The following MSI2 variants were observed in gnomAD, a reference collection of about 807,000 sequenced individuals.
MSI2 encodes RNA-binding protein Musashi homolog 2.
In MSI2, 17 loss-of-function variants were observed where a neutral mutation model predicts 45.6. The ratio of observed to expected loss-of-function variants is 0.37; its 90% CI spans 0.26 to 0.56. The LOEUF is 0.56. Ranked by LOEUF, MSI2 falls within the 20% of genes least tolerant of loss-of-function variation. The pLI is 0.77. For missense variants in MSI2, 293 were observed against 444.2 expected (o/e 0.66, Z 3.06); for synonymous variants, 156 against 158.2 (o/e 0.99, Z 0.11).
intron 6 of MSI2, among the ~76,000 whole-genome samples, chr17:57,439,138 C>G (rs1370540221): frequency 6.6e-6 from 1 of 152,172 alleles, no homozygotes; most frequent in South Asian, 2.1e-4. Context: ...GGGACACTTT[C>G]ATTAGGTTTC....
chr17:57,594,378 C>A (rs903416526), intron 7 of MSI2, among the ~76,000 whole-genome samples: 1 of 152,160 alleles, frequency 6.6e-6, no homozygotes. Flanking sequence ...CTCCAGGGGT[C>A]CTTGACTGGG....
intron 7 of MSI2, among the ~76,000 whole-genome samples, chr17:57,543,969 T>C (rs1198803935): frequency 6.6e-6 from 1 of 152,188 alleles, no homozygotes; most frequent in Non-Finnish European, 1.5e-5. Context: ...CCCAGAGAGA[T>C]TGGTGAGCAT....
chr17:57,326,807 T>C (rs1170490052), intron 5 of MSI2, among the ~76,000 whole-genome samples: 1 of 152,078 alleles, frequency 6.6e-6, no homozygotes, highest in African/African-American at 2.4e-5. Context: ...GGCTTGGAAG[T>C]GGAGAGGGAG....
At chr17:57,549,094 T>G (rs1335206922) in intron 7 of MSI2, among the ~76,000 whole-genome samples, 1 of 152,200 alleles carries the variant, frequency 6.6e-6, no homozygotes, top group Admixed American at 6.5e-5. Flanking sequence ...AGGCTGGTCT[T>G]GAACACCTGG....
chr17:57,468,534 A>C (rs999151155), intron 6 of MSI2, among the ~76,000 whole-genome samples: 1 of 151,570 alleles, frequency 6.6e-6, no homozygotes, highest in African/African-American at 2.4e-5. Context: ...AAAAAAAAAA[A>C]AAAACAAGCA....
chr17:57,402,118 C>T (rs979330319), intron 6 of MSI2, among the ~76,000 whole-genome samples: 9 of 152,082 alleles, frequency 5.9e-5, no homozygotes, highest in African/African-American at 9.7e-5. Context: ...AGAGTCAGAC[C>T]GACTGATAGG....
chr17:57,339,988 C>T (rs1914997286), intron 5 of MSI2, among the ~76,000 whole-genome samples: 1 of 152,166 alleles, frequency 6.6e-6, no homozygotes, highest in Non-Finnish European at 1.5e-5. Flanking sequence ...TGAGCCTGCC[C>T]AAAACTGGGC....
intron 5 of MSI2, among the ~76,000 whole-genome samples, chr17:57,321,207 T>G (rs1348761189): frequency 6.6e-6 from 1 of 151,870 alleles, no homozygotes; most frequent in Non-Finnish European, 1.5e-5. Flanking sequence ...ACCAGGAGTC[T>G]CTTATTCCAG....
intron 7 of MSI2, among the ~76,000 whole-genome samples, chr17:57,589,926 A>T (rs985634485): frequency 6.6e-6 from 1 of 152,240 alleles, no homozygotes; most frequent in Non-Finnish European, 1.5e-5. Flanking sequence ...ATGGATGAAA[A>T]GGATTTTCAA....
chr17:57,313,562 A>G (rs1375145810), intron 5 of MSI2, among the ~76,000 whole-genome samples: 2 of 152,212 alleles, frequency 1.3e-5, no homozygotes, highest in Non-Finnish European at 2.9e-5. Context: ...CACACACACC[A>G]GAAAAACAAA....
chr17:57,467,617 G>C (rs2085351930), intron 6 of MSI2, among the ~76,000 whole-genome samples: 1 of 152,066 alleles, frequency 6.6e-6, no homozygotes, highest in Admixed American at 6.5e-5. Flanking sequence ...GTGAGCACCT[G>C]GTTTCCCCTT....
chr17:57,639,390 T>C (rs1910077075), intron 10 of MSI2, among the ~76,000 whole-genome samples: 1 of 152,158 alleles, frequency 6.6e-6, no homozygotes, highest in South Asian at 2.1e-4. Flanking sequence ...ACTGTCCTAG[T>C]ACTTGGGCTG....
chr17:57,396,623 C>T (rs1454354905), intron 5 of MSI2, among the ~76,000 whole-genome samples: 1 of 152,164 alleles, frequency 6.6e-6, no homozygotes, highest in Non-Finnish European at 1.5e-5. Context: ...CCAGTTCTTA[C>T]GTGTAAACAG....
At chr17:57,256,856 A>T in intron 1 of MSI2, 52 bp downstream of exon 1, 1 of 1,358,226 alleles carries the variant, frequency 7.4e-7, no homozygotes, top group Non-Finnish European at 9.7e-7. Context: ...CTCTCCTTGC[A>T]GCGGCGGGGA....
intron 11 of MSI2, among the ~76,000 whole-genome samples, chr17:57,669,959 T>C (rs1216159470): frequency 6.6e-6 from 1 of 152,226 alleles, no homozygotes; most frequent in African/African-American, 2.4e-5. Flanking sequence ...TGAAATTGTC[T>C]TGAGGGCTGG....
intron 6 of MSI2, among the ~76,000 whole-genome samples, chr17:57,475,773 C>CTG (rs1374347210): frequency 6.7e-6 from 1 of 150,064 alleles, no homozygotes; most frequent in African/African-American, 2.4e-5. Context: ...AGAGTGTTGT[C>CTG]TGTGTGTGTA....
intron 5 of MSI2, among the ~76,000 whole-genome samples, chr17:57,336,699 A>T (rs1914715633): frequency 1.3e-5 from 2 of 152,200 alleles, no homozygotes; most frequent in Admixed American, 6.5e-5. Context: ...TATGGTTGTT[A>T]TAACATACAG....
intron 11 of MSI2, among the ~76,000 whole-genome samples, chr17:57,655,074 G>A (rs552270253): frequency 6.6e-5 from 10 of 151,922 alleles, no homozygotes; most frequent in African/African-American, 9.7e-5. Context: ...GAGGTCTGGG[G>A]GGGCCTTGAG....
chr17:57,421,543 T>A (rs946089271), intron 6 of MSI2, among the ~76,000 whole-genome samples: 1 of 64,374 alleles, frequency 1.6e-5, no homozygotes, highest in East Asian at 8.9e-4. Flanking sequence ...CCATTCATTC[T>A]CCTCCTCCTC....
Sources: gnomAD v4.1 joint callset for allele counts (sites outside exome capture counted in the v4.1 genomes callset) on GRCh38, gnomAD v4.1.1 for gene constraint, MANE v1.5 for transcripts, NCBI Gene and HGNC (gene_info 2026-07-23, HGNC 2026-07-21) for gene names.